Variants in STAG1 observed in about 807,000 individuals in gnomAD.
STAG1 encodes the protein STAG1 cohesin complex component, also known as cohesin subunit SA-1.
Under a neutral mutation model 170.9 loss-of-function variants are expected in STAG1, and 26 were observed. That is an observed-to-expected ratio of 0.15 (90% CI 0.11 to 0.21). STAG1 has a LOEUF of 0.21. Ranked by LOEUF, STAG1 falls within the 10% of genes least tolerant of loss-of-function variation. The probability of loss-of-function intolerance (pLI) is 1.00; values close to 1 mark genes in which losing one functional copy is unlikely to be tolerated. For synonymous variants in STAG1, 514 were observed against 497.7 expected, an observed-to-expected ratio of 1.03 and a Z score of -0.44; for missense variants, 964 against 1,509.5, an observed-to-expected ratio of 0.64 and a Z score of 5.99.
chr3:136,372,214 G>A (rs1937379827), intron 23 of STAG1, among the ~76,000 whole-genome samples: 1 of 152,220 alleles, frequency 6.6e-6, no homozygotes, highest in South Asian at 2.1e-4. Flanking sequence ...CTGAGACTTT[G>A]CTGAAGCTGC....
chr3:136,549,883 GGGTGCTGGATTTT>G (rs1559873492), intron 5 of STAG1, among the ~76,000 whole-genome samples: 1 of 152,072 alleles, frequency 6.6e-6, no homozygotes, highest in East Asian at 1.9e-4. Context: ...AACATGAAAA[GGGTGCTGGATTTT>G]ATAAAACTCT....
At chr3:136,749,957 A>T (rs1450752110) in intron 1 of STAG1, among the ~76,000 whole-genome samples, 4 of 152,012 alleles carry the variant, frequency 2.6e-5, no homozygotes, top group African/African-American at 9.7e-5. Context: ...TAAAGATATA[A>T]AGATACAGGA....
rs571385942 is a variant in STAG1 at position 136,739,693 on chromosome 3, A to T, written c.-84+12502T>A. ...AAAAAAATTAGCCAGATGTGGTGGCAGGCACCTGTAGTCCCAGCTACTCGA... is the reference window on the plus strand; with the variant it reads ...AAAAAAATTAGCCAGATGTGGTGGCTGGCACCTGTAGTCCCAGCTACTCGA... On this transcript the variant is annotated intron_variant, in intron 1 of 33. Transcript: ENST00000383202. Among the ~76,000 whole-genome samples the T allele has an allele frequency of 4.6e-5, 7 of 151,818 alleles. No homozygotes were observed. The East Asian group carries it at 1.4e-3, about 29-fold the overall frequency.
At chr3:136,466,693 C>T (rs2089471359) in intron 12 of STAG1, among the ~76,000 whole-genome samples, 1 of 152,040 alleles carries the variant, frequency 6.6e-6, no homozygotes, top group Non-Finnish European at 1.5e-5. Flanking sequence ...CTCCAAGACA[C>T]ATAATTGTCA....
At chr3:136,706,583 G>C (rs1251741102) in intron 1 of STAG1, among the ~76,000 whole-genome samples, 2 of 152,102 alleles carry the variant, frequency 1.3e-5, no homozygotes, top group East Asian at 1.9e-4. Flanking sequence ...TAAATGGAAA[G>C]ACATCTAACA....
chr3:136,343,787 T>TTAA (rs765870464), intron 30 of STAG1, 45 bp downstream of exon 30: 1 of 1,445,346 alleles, frequency 6.9e-7, no homozygotes, highest in East Asian at 2.4e-5. Flanking sequence ...TAGTTTTACT[T>TTAA]TCTTTAAAGG....
intron 13 of STAG1, among the ~76,000 whole-genome samples, chr3:136,453,366 C>T (rs1314463178): frequency 1.3e-5 from 2 of 151,976 alleles, no homozygotes; most frequent in Non-Finnish European, 2.9e-5. Context: ...CCGAGGCAGG[C>T]AGATCATGAA....
chr3:136,501,690 C>G (rs1303227810), intron 8 of STAG1, among the ~76,000 whole-genome samples: 1 of 152,108 alleles, frequency 6.6e-6, no homozygotes, highest in Non-Finnish European at 1.5e-5. Context: ...GTCACAGCAG[C>G]CCTATCAAAC....
At chr3:136,651,376 TAAAAAAA>T (rs57372663) in intron 1 of STAG1, among the ~76,000 whole-genome samples, 1 of 121,992 alleles carries the variant, frequency 8.2e-6, no homozygotes, top group African/African-American at 2.9e-5. Flanking sequence ...ACCAAAAATT[TAAAAAAA>T]AAAAAAAAAA....
intron 1 of STAG1, among the ~76,000 whole-genome samples, chr3:136,741,564 G>A (rs1159077297): frequency 6.6e-6 from 1 of 152,126 alleles, no homozygotes; most frequent in Non-Finnish European, 1.5e-5. Flanking sequence ...CACCTCCCGG[G>A]TTCAAGCGAT....
chr3:136,572,516 C>G (rs1937299419), intron 4 of STAG1, among the ~76,000 whole-genome samples: 1 of 143,862 alleles, frequency 7.0e-6, no homozygotes, highest in Non-Finnish European at 1.5e-5. Flanking sequence ...CACTTAAGCC[C>G]AGGAGGTGGA....
intron 14 of STAG1, among the ~76,000 whole-genome samples, chr3:136,446,526 G>C (rs1371944918): frequency 2.6e-5 from 4 of 151,408 alleles, no homozygotes; most frequent in Non-Finnish European, 5.9e-5. Flanking sequence ...AGGTTCAAGC[G>C]ATCCTCCTGT....
rs1240762184 is a variant in STAG1, at chr3:136,369,020, A to C, written c.2545+88T>G. On this transcript the variant is annotated intron_variant, in intron 24 of 33. Coordinates refer to ENST00000383202, the MANE Select transcript of STAG1 (RefSeq NM_005862.3). ...TTTTTAAAAGAAAGAAATCTCGATA[A>C]TTTTTAGAACTGAATTTGTTTCTTT... 2.4e-6 allele frequency: 3 copies of C among 1,250,096 alleles called. No homozygotes were observed. The African/African-American group carries it at 4.7e-5, about 20-fold the overall frequency. 77.4% of individuals were successfully genotyped at this position (1,250,096 alleles called of 1,614,324 possible). A position where few individuals can be genotyped will look rare whatever the true frequency, so the allele number is the denominator to read the frequency against.
intron 3 of STAG1, among the ~76,000 whole-genome samples, chr3:136,622,332 A>G (rs1445688560): frequency 6.6e-6 from 1 of 151,942 alleles, no homozygotes; most frequent in East Asian, 1.9e-4. Context: ...GGGGGAAAGA[A>G]GAAACAGGCC....
chr3:136,573,332 G>A (rs546339682), intron 4 of STAG1, among the ~76,000 whole-genome samples: 1 of 152,208 alleles, frequency 6.6e-6, no homozygotes, highest in South Asian at 2.1e-4. Context: ...AAATACAGGG[G>A]ACCATGACTA....
chr3:136,534,568 C>T (rs780301183), intron 6 of STAG1, among the ~76,000 whole-genome samples: 144 of 151,872 alleles, frequency 9.5e-4, no homozygotes, highest in Non-Finnish European at 1.7e-3. Flanking sequence ...AAAACATAAT[C>T]GCATTAAAAA....
chr3:136,543,369 G>A (rs1935996982), intron 5 of STAG1, among the ~76,000 whole-genome samples: 1 of 152,104 alleles, frequency 6.6e-6, no homozygotes, highest in African/African-American at 2.4e-5. Context: ...TCAGTAGAAG[G>A]CAAGAATAAG....
intron 5 of STAG1, among the ~76,000 whole-genome samples, chr3:136,563,022 C>T (rs1440510283): frequency 1.3e-5 from 2 of 152,184 alleles, no homozygotes; most frequent in Non-Finnish European, 2.9e-5. Context: ...AAGAATATCA[C>T]AGAAGTGATG....
chr3:136,650,645 A>G (rs1234466198), intron 1 of STAG1, among the ~76,000 whole-genome samples: 1 of 152,228 alleles, frequency 6.6e-6, no homozygotes, highest in Non-Finnish European at 1.5e-5. Context: ...TGTCTAATGA[A>G]GCTATCTATA....
Sources: allele counts gnomAD v4.1 joint callset (sites outside exome capture counted in the v4.1 genomes callset), GRCh38; gene constraint gnomAD v4.1.1; transcripts MANE v1.5; gene names NCBI Gene and HGNC (gene_info 2026-07-23, HGNC 2026-07-21).